The following CHD9 variants were observed in gnomAD, a reference collection of about 807,000 sequenced individuals.
CHD9 encodes chromodomain helicase DNA binding protein 9.
CHD9 carries 77 observed loss-of-function variants against 316.1 expected under a neutral mutation model. The observed-to-expected ratio is 0.24, with a 90% CI of 0.20 to 0.29. The LOEUF (loss-of-function observed/expected upper bound fraction) is 0.29. CHD9 is among the 10% of genes least tolerant of loss of function. The probability of loss-of-function intolerance (pLI) is 1.00; values close to 1 mark genes in which losing one functional copy is unlikely to be tolerated. For synonymous variants in CHD9, 1,129 were observed against 1,158.3 expected, an observed-to-expected ratio of 0.97 and a Z score of 0.51; for missense variants, 2,763 against 3,438.1, an observed-to-expected ratio of 0.80 and a Z score of 4.91.
chr16:53,071,124 G>T (rs1359721408), intron 1 of CHD9, among the ~76,000 whole-genome samples: 1 of 152,150 alleles, frequency 6.6e-6, no homozygotes, highest in Admixed American at 6.6e-5. Flanking sequence ...GTCATCATGG[G>T]ATGTCTTTCC....
chr16:53,167,895 A>G (rs972480467), intron 2 of CHD9, among the ~76,000 whole-genome samples: 2 of 152,096 alleles, frequency 1.3e-5, no homozygotes, highest in Non-Finnish European at 2.9e-5. Context: ...GGTCACTTAG[A>G]CAGATATTCT....
chr16:53,302,562 A>T (rs1206715049), intron 30 of CHD9, among the ~76,000 whole-genome samples: 1 of 152,198 alleles, frequency 6.6e-6, no homozygotes, highest in Non-Finnish European at 1.5e-5. Flanking sequence ...TAAGCTTCAC[A>T]AATCTTGTTT....
intron 18 of CHD9, among the ~76,000 whole-genome samples, chr16:53,255,036 G>A (rs1219407029): frequency 6.6e-6 from 1 of 151,984 alleles, no homozygotes. Flanking sequence ...ACTGGGCTGG[G>A]CACATGGCTC....
intron 1 of CHD9, among the ~76,000 whole-genome samples, chr16:53,063,403 A>ACACACAC: frequency 8.2e-6 from 1 of 121,284 alleles, no homozygotes; most frequent in Non-Finnish European, 1.9e-5. Flanking sequence ...CACACACACA[A>ACACACAC]AATGTGAAGG....
At chr16:53,174,636 C>T (rs1291485881) in intron 2 of CHD9, among the ~76,000 whole-genome samples, 2 of 151,936 alleles carry the variant, frequency 1.3e-5, no homozygotes, top group African/African-American at 2.4e-5. Context: ...TAAGACAGAG[C>T]CTCACTCTGT....
At chr16:53,161,239 A>T (rs2041889516) in intron 2 of CHD9, among the ~76,000 whole-genome samples, 1 of 152,220 alleles carries the variant, frequency 6.6e-6, no homozygotes, top group South Asian at 2.1e-4. Flanking sequence ...TATGTTGCAT[A>T]TCAGTTTTAT....
Position 53,304,139 on chromosome 16 carries a change from A to G in CHD9, c.6133A>G (p.Met2045Val). 1.2e-6 allele frequency: 2 copies of G among 1,613,084 alleles called. No homozygotes were observed. The highest frequency in any genetic ancestry group is 1.7e-6 in the Non-Finnish European group (2 of 1,179,678). Residue 2045 changes from methionine (M) to valine (V), a missense_variant, in exon 31 of 39, where the codon ATG becomes GTG. Met to Val is a conservative substitution (Grantham distance 21). Transcript: ENST00000447540. ...TGCTAAAGGTATTATTCTAGAGGAG[A>G]TGAAAGTTAAAAGTGAAAACCTTAA... ...LDAKGIILEE[M>V]KVKSENLKEE...
intron 20 of CHD9, among the ~76,000 whole-genome samples, chr16:53,263,483 T>C (rs1420306): frequency 0.31 from 46,585 of 151,996 alleles, 7,751 homozygotes; most frequent in Admixed American, 0.48. Context: ...GTCAAGAAAG[T>C]GGCATTTTTT....
chr16:53,182,556 T>A (rs1220941724), intron 2 of CHD9, among the ~76,000 whole-genome samples: 2 of 152,354 alleles, frequency 1.3e-5, no homozygotes, highest in East Asian at 3.9e-4. Flanking sequence ...ATCTGGGTCA[T>A]TTGATACAAA....
At chr16:53,226,928 G>A (rs1377628945) in intron 5 of CHD9, among the ~76,000 whole-genome samples, 1 of 152,066 alleles carries the variant, frequency 6.6e-6, no homozygotes, top group African/African-American at 2.4e-5. Flanking sequence ...TTCTCCATAA[G>A]CACTTAGTCC....
chr16:53,078,698 C>T (rs1374027834), intron 1 of CHD9, among the ~76,000 whole-genome samples: 3 of 152,160 alleles, frequency 2.0e-5, no homozygotes, highest in Non-Finnish European at 4.4e-5. Context: ...CCTAGCTCCC[C>T]AACTCCCTTG....
In CHD9 at chr16:53,229,094, T is replaced by G. The variant is rs764304280; in HGVS notation, c.2280T>G (p.Phe760Leu). Residue 760 changes from phenylalanine (F) to leucine (L), a missense_variant, in exon 8 of 39, where the codon TTT becomes TTG. Phe to Leu is a conservative substitution (Grantham distance 22). This residue lies in a region of CHD9 where 859 missense variants were observed against 890.4 expected (regional missense o/e 0.96). Coordinates refer to ENST00000447540, the MANE Select transcript of CHD9 (RefSeq NM_001308319.2). ...KLRQAQRAHF[F>L]ADMEEEPFNP... ...GACAAGCACAAAGAGCACATTTTTTTGCAGACGTAAGAAAAAAATAAATAA... is the reference window on the plus strand; with the variant it reads ...GACAAGCACAAAGAGCACATTTTTTGGCAGACGTAAGAAAAAAATAAATAA... 5 of 1,553,618 alleles carry G rather than the reference T, an allele frequency of 3.2e-6. No homozygotes were observed. Among genetic ancestry groups the G allele is most frequent in the Non-Finnish European group, 3.5e-6 (4 of 1,140,656 alleles).
At chr16:53,149,536 T>C (rs190619758) in intron 1 of CHD9, among the ~76,000 whole-genome samples, 94 of 151,666 alleles carry the variant, frequency 6.2e-4, no homozygotes, top group African/African-American at 1.9e-3. Context: ...TCCTTCTTTG[T>C]CTCTTGTAAC....
In CHD9 at chr16:53,236,188, C is replaced by T. The variant is rs192610200; in HGVS notation, c.2633+882C>T. Among the ~76,000 whole-genome samples, 34 of 152,272 alleles carry T rather than the reference C, an allele frequency of 2.2e-4. No homozygotes were observed. In the East Asian group the frequency reaches 4.2e-3, roughly 19 times the overall value. The stretch of plus-strand genomic sequence containing the variant: ...AACATTTTTTTAACTTGTCTTCCCT[C>T]ATCAGTACCCTTTCCCATCTCCTAT... On this transcript the variant is annotated intron_variant, in intron 11 of 38. Transcript: ENST00000447540.
chr16:53,300,898 C>A (rs1261978633), intron 30 of CHD9, among the ~76,000 whole-genome samples: 2 of 152,194 alleles, frequency 1.3e-5, no homozygotes, highest in Non-Finnish European at 2.9e-5. Context: ...CATGGTGAAA[C>A]CTTGTCTATA....
intron 1 of CHD9, among the ~76,000 whole-genome samples, chr16:53,126,112 A>G (rs188025848): frequency 6.6e-6 from 1 of 152,306 alleles, no homozygotes; most frequent in East Asian, 1.9e-4. Flanking sequence ...ATATGAAGGA[A>G]ATCATTGCCT....
chr16:53,211,657 T>C (rs1276668242), intron 3 of CHD9, among the ~76,000 whole-genome samples: 1 of 152,102 alleles, frequency 6.6e-6, no homozygotes, highest in Non-Finnish European at 1.5e-5. Context: ...GATAGAAGAA[T>C]TTATAAGTCG....
chr16:53,196,540 T>G (rs992573551), intron 2 of CHD9, among the ~76,000 whole-genome samples: 1 of 152,180 alleles, frequency 6.6e-6, no homozygotes, highest in Admixed American at 6.5e-5. Flanking sequence ...AATAAAATGA[T>G]TAGCCTTGGT....
Position 53,324,021 on chromosome 16 carries a change from G to C in CHD9, c.7820G>C (p.Gly2607Ala). Residue 2607 changes from glycine to alanine, a missense_variant and splice_region_variant, in exon 39 of 39, where the codon GGA (glycine) becomes GCA (alanine). By Grantham distance (60) the Gly-to-Ala change is moderately conservative. This residue lies in a region of CHD9 where 298 missense variants were observed against 380.2 expected (regional missense o/e 0.78). Coordinates refer to ENST00000447540, the MANE Select transcript of CHD9 (RefSeq NM_001308319.2). ...TTAATGAATATATATTTCTTCCAGGGATTTCTTCCAGAAAGCATGTATGAA... is the reference window on the plus strand; with the variant it reads ...TTAATGAATATATATTTCTTCCAGGCATTTCTTCCAGAAAGCATGTATGAA... ...PEWGDVVKQS[G>A]FLPESMYERI... 6.3e-7 allele frequency: 1 copy of C among 1,596,650 alleles called. No individual in the cohort carries two copies. The highest frequency in any genetic ancestry group is 8.6e-7 in the Non-Finnish European group (1 of 1,167,190).
Sources: allele counts gnomAD v4.1 joint callset (sites outside exome capture counted in the v4.1 genomes callset), GRCh38; gene constraint gnomAD v4.1.1; regional missense constraint gnomAD v4.1.1; transcripts MANE v1.5; gene names NCBI Gene and HGNC (gene_info 2026-07-23, HGNC 2026-07-21).